EYS: variants seen among roughly 807,000 people sequenced by gnomAD.
EYS encodes EGF-like photoreceptor maintenance factor.
EYS carries 250 observed loss-of-function variants against 282.1 expected under a neutral mutation model. That is an observed-to-expected ratio of 0.89 (90% CI 0.80 to 0.98). The LOEUF (loss-of-function observed/expected upper bound fraction) is 0.98, where lower values mean the gene tolerates loss of function less well. Among genes scored for constraint, EYS ranks in the 50% least tolerant of loss-of-function variants. The pLI is 0.00. For missense variants in EYS, 4,016 were observed against 3,709.0 expected (o/e 1.08, Z -2.15); for synonymous variants, 1,355 against 1,282.9 (o/e 1.06, Z -1.20).
At chr6:64,448,707 C>G (rs1775208780) in intron 26 of EYS, among the ~76,000 whole-genome samples, 1 of 152,192 alleles carries the variant, frequency 6.6e-6, no homozygotes, top group African/African-American at 2.4e-5. Flanking sequence ...CCAATATCCG[C>G]TGTTCTGCAT....
chr6:63,848,367 T>A (rs754460841), intron 36 of EYS, among the ~76,000 whole-genome samples: 1 of 152,052 alleles, frequency 6.6e-6, no homozygotes, highest in African/African-American at 2.4e-5. Context: ...AAGCAGGTTT[T>A]AAATATGCCA....
At chr6:64,008,649 A>G (rs1262406493) in intron 33 of EYS, among the ~76,000 whole-genome samples, 1 of 152,142 alleles carries the variant, frequency 6.6e-6, no homozygotes, top group Non-Finnish European at 1.5e-5. Context: ...ATTTCTTGCA[A>G]TGCATGTCTG....
chr6:64,077,481 A>G (rs1042994373), intron 32 of EYS, among the ~76,000 whole-genome samples: 1 of 152,030 alleles, frequency 6.6e-6, no homozygotes, highest in South Asian at 2.1e-4. Context: ...AGAGGCCCCA[A>G]TAATTCCACT....
chr6:65,448,687 C>T (rs989302680), intron 5 of EYS, among the ~76,000 whole-genome samples: 1 of 151,970 alleles, frequency 6.6e-6, no homozygotes, highest in African/African-American at 2.4e-5. Context: ...CTCTTACAAA[C>T]ATATTTTTGA....
chr6:64,165,654 G>T (rs1186862316), intron 31 of EYS, among the ~76,000 whole-genome samples: 1 of 152,120 alleles, frequency 6.6e-6, no homozygotes, highest in Non-Finnish European at 1.5e-5. Context: ...GCTTTCACAA[G>T]TATTGGCAAG....
intron 22 of EYS, among the ~76,000 whole-genome samples, chr6:64,795,979 C>G (rs1463181777): frequency 1.3e-5 from 2 of 152,002 alleles, no homozygotes; most frequent in Admixed American, 6.6e-5. Context: ...GCAGGACTTG[C>G]GTACGTGGAT....
At chr6:64,172,413 T>C (rs895937260) in intron 31 of EYS, among the ~76,000 whole-genome samples, 20 of 152,154 alleles carry the variant, frequency 1.3e-4, no homozygotes, top group African/African-American at 4.8e-4. Flanking sequence ...GAAACCACCA[T>C]TCTATTTTTT....
At chr6:64,905,809 T>G (rs2150073324) in intron 16 of EYS, among the ~76,000 whole-genome samples, 1 of 152,214 alleles carries the variant, frequency 6.6e-6, no homozygotes, top group African/African-American at 2.4e-5. Flanking sequence ...AGGACTATAT[T>G]TTAACAATCT....
At chr6:64,290,673 C>T (rs1768672202) in intron 30 of EYS, among the ~76,000 whole-genome samples, 1 of 151,710 alleles carries the variant, frequency 6.6e-6, no homozygotes, top group Admixed American at 6.6e-5. Flanking sequence ...TCCTCTTCTT[C>T]CAGAACGAAG....
chr6:65,229,955 C>T (rs1354457941), intron 12 of EYS, among the ~76,000 whole-genome samples: 1 of 151,788 alleles, frequency 6.6e-6, no homozygotes, highest in Non-Finnish European at 1.5e-5. Flanking sequence ...AAATAATCCA[C>T]GGGTCTTAGG....
chr6:64,299,729 A>T (rs375683489), intron 30 of EYS, among the ~76,000 whole-genome samples: 2 of 152,218 alleles, frequency 1.3e-5, no homozygotes, highest in African/African-American at 4.8e-5. Flanking sequence ...ACTTAATGCA[A>T]ACTGTTGTAT....
chr6:64,343,989 T>G (rs1771252201), intron 29 of EYS, among the ~76,000 whole-genome samples: 1 of 151,836 alleles, frequency 6.6e-6, no homozygotes, highest in South Asian at 2.1e-4. Context: ...ACATACACAC[T>G]CCCAAGACTA....
intron 22 of EYS, among the ~76,000 whole-genome samples, chr6:64,667,843 G>A (rs2149893511): frequency 6.6e-6 from 1 of 152,226 alleles, no homozygotes; most frequent in East Asian, 1.9e-4. Context: ...GCAGGTAGAG[G>A]AGTGAAAGGA....
intron 42 of EYS, among the ~76,000 whole-genome samples, chr6:63,722,775 G>T (rs1048299864): frequency 4.6e-5 from 7 of 152,014 alleles, no homozygotes; most frequent in Non-Finnish European, 1.0e-4. Flanking sequence ...CCTGCAAATG[G>T]TGTTCTTTCC....
chr6:64,096,795 C>A lies in EYS; in HGVS notation c.6425-14793G>T, dbSNP rs150226833. Among the ~76,000 whole-genome samples the A allele has an allele frequency of 7.3e-3, 1,113 of 152,274 alleles. 7 individuals are homozygous for A. Among genetic ancestry groups the A allele is most frequent in the South Asian group, 0.013 (64 of 4,828 alleles). On this transcript the variant is annotated intron_variant, in intron 31 of 42. Coordinates refer to ENST00000503581, the MANE Select transcript of EYS (RefSeq NM_001142800.2). ...TCCAGCTTTGTTCCGTTGCTGGTGA[C>A]GAGCTGCATTCCTTTGGAGGAGGAG...
intron 15 of EYS, among the ~76,000 whole-genome samples, chr6:64,922,960 T>C (rs1768396633): frequency 6.6e-6 from 1 of 152,150 alleles, no homozygotes; most frequent in African/African-American, 2.4e-5. Flanking sequence ...AGATCCAGTA[T>C]TACTATGCTG....
chr6:64,881,043 T>C (rs1423517630), intron 19 of EYS, among the ~76,000 whole-genome samples: 1 of 151,706 alleles, frequency 6.6e-6, no homozygotes, highest in Non-Finnish European at 1.5e-5. Flanking sequence ...CTGGCCTGAA[T>C]TGATGCCTGA....
intron 1 of EYS, among the ~76,000 whole-genome samples, chr6:65,667,084 T>C (rs941449018): frequency 1.3e-5 from 2 of 151,860 alleles, no homozygotes; most frequent in Non-Finnish European, 3.0e-5. Flanking sequence ...TTGATGAAAG[T>C]GATTTTAAAA....
chr6:65,598,484 G>C (rs1326345020), intron 2 of EYS, among the ~76,000 whole-genome samples: 1 of 151,954 alleles, frequency 6.6e-6, no homozygotes, highest in South Asian at 2.1e-4. Flanking sequence ...TATGAACCAA[G>C]TAATCACACA....
Sources: gnomAD v4.1 joint callset for allele counts (sites outside exome capture counted in the v4.1 genomes callset) on GRCh38, gnomAD v4.1.1 for gene constraint, MANE v1.5 for transcripts, NCBI Gene and HGNC (gene_info 2026-07-23, HGNC 2026-07-21) for gene names.